Variants in CTBS observed in about 807,000 individuals in gnomAD.
CTBS encodes the protein chitobiase.
CTBS carries 35 observed loss-of-function variants against 44.3 expected under a neutral mutation model. The observed-to-expected ratio is 0.79, with a 90% CI of 0.60 to 1.05. The LOEUF (loss-of-function observed/expected upper bound fraction) is 1.05, where lower values mean the gene tolerates loss of function less well. CTBS is among the 50% of genes least tolerant of loss of function. The pLI is 0.00. For missense variants in CTBS, 458 were observed against 475.3 expected (o/e 0.96, Z 0.34); for synonymous variants, 143 against 168.0 (o/e 0.85, Z 1.15).
At chr1:84,561,824 T>G (rs181925635) in intron 6 of CTBS, among the ~76,000 whole-genome samples, 23 of 152,338 alleles carry the variant, frequency 1.5e-4, no homozygotes, top group Middle Eastern at 3.4e-3. Context: ...ATTTTTAAAT[T>G]AAGGTATGTA....
Position 84,550,366 on chromosome 1 carries a change from C to A in CTBS, c.*4633G>T. 1 of 728,958 alleles carries A rather than the reference C, an allele frequency of 1.4e-6. No homozygotes were observed. The highest frequency in any genetic ancestry group is 2.1e-6 in the Non-Finnish European group (1 of 487,406). The allele number at this position is 728,958 out of a possible 1,614,324, so 45.2% of individuals were successfully genotyped here. ...TCTTTATCATTTCATAGTTTATGTT[C>A]ACAAGGCAGTTAAAAATAAAAATGT... On this transcript the variant is annotated 3_prime_UTR_variant, in exon 7 of 7. Transcript: ENST00000370630.
At chr1:84,562,417 A>G (rs890049667) in intron 6 of CTBS, among the ~76,000 whole-genome samples, 6 of 152,238 alleles carry the variant, frequency 3.9e-5, no homozygotes, top group Admixed American at 1.3e-4. Flanking sequence ...ATACACATGT[A>G]TATCAATTAT....
At chr1:84,572,821 T>C (rs1057197204) in intron 1 of CTBS, among the ~76,000 whole-genome samples, 3 of 151,964 alleles carry the variant, frequency 2.0e-5, no homozygotes, top group East Asian at 1.9e-4. Flanking sequence ...TCGGATTACA[T>C]GTGCCCGCCA....
Position 84,553,499 on chromosome 1 carries a change from C to T in CTBS, c.*1500G>A, listed in dbSNP as rs949364828. The T allele has an allele frequency of 1.3e-5, 2 of 152,016 alleles. No homozygotes were observed. Among genetic ancestry groups the T allele is most frequent in the African/African-American group, 2.4e-5 (1 of 41,360 alleles). The allele number at this position is 152,016 out of a possible 1,614,324, so 9.4% of individuals were successfully genotyped here. ...ATACTAATATATTTGCATGAAAATA[C>T]AGACTTCATTTAACTTAATTTGTTC... On this transcript the variant is annotated 3_prime_UTR_variant, in exon 7 of 7. Transcript: ENST00000370630.
intron 1 of CTBS, chr1:84,573,850 G>C (rs12751492): frequency 9.3e-7 from 1 of 1,069,692 alleles, no homozygotes; most frequent in Non-Finnish European, 1.1e-6. Flanking sequence ...CTAATGTACT[G>C]TTGGAGTGCT....
In CTBS at chr1:84,554,864, A is replaced by T. The variant is rs1281922140; in HGVS notation, c.*135T>A. 1.4e-6 allele frequency: 1 copy of T among 708,748 alleles called. No homozygotes were observed. 43.9% of individuals were successfully genotyped at this position (708,748 alleles called of 1,614,324 possible). Reference sequence around the variant, plus strand: ...TCGTGTGTATTTTTCAAATTCAAACAATCAAAACATTTATTTATTCTTTTT... The same window carrying T: ...TCGTGTGTATTTTTCAAATTCAAACTATCAAAACATTTATTTATTCTTTTT... On this transcript the variant is annotated 3_prime_UTR_variant, in exon 7 of 7. Coordinates refer to ENST00000370630, the MANE Select transcript of CTBS (RefSeq NM_004388.3).
Position 84,555,009 on chromosome 1 carries a change from A to C in CTBS, c.1148T>G (p.Leu383Ter), listed in dbSNP as rs774511903. 2 of 1,613,654 alleles carry C rather than the reference A, an allele frequency of 1.2e-6. No homozygotes were observed. Among genetic ancestry groups the C allele is most frequent in the Admixed American group, 3.3e-5 (2 of 60,006 alleles). The stretch of plus-strand genomic sequence containing the variant: ...TTTGACAAAAGATGTTCATCTCTGT[A>C]ACAGCTTTGGCTTTAAGACTTCCCA... ...EMWEVLKPKL[L>*]QR The change falls in exon 7 of 7, where the codon TTA (leucine) becomes TGA (stop). Residue 383 changes from leucine to a stop codon, truncating the protein, a stop_gained. Coordinates refer to ENST00000370630, the MANE Select transcript of CTBS (RefSeq NM_004388.3). LOFTEE classifies it high-confidence loss of function.
rs72950365 is a variant in CTBS, at chr1:84,574,035, C to T, written c.177+204G>A. The T allele has an allele frequency of 0.012, 17,404 of 1,423,294 alleles. 1,728 individuals are homozygous for T. In the African/African-American group the frequency reaches 0.22, roughly 18 times the overall value. 88.2% of individuals were successfully genotyped at this position (1,423,294 alleles called of 1,614,324 possible). On this transcript the variant is annotated intron_variant, in intron 1 of 6. Coordinates refer to ENST00000370630, the MANE Select transcript of CTBS (RefSeq NM_004388.3). The stretch of plus-strand genomic sequence containing the variant: ...GCCTGCCTACGCAGGCACTTACAGG[C>T]TGTGAGGCCTGAGGAGTTACTCAAC...
chr1:84,570,849 A>G (rs1484194517), intron 1 of CTBS, 129 bp from the exon 2 acceptor site: 2 of 794,458 alleles, frequency 2.5e-6, no homozygotes, highest in Non-Finnish European at 1.9e-6. Flanking sequence ...TGCATAAGAC[A>G]TAGGGGTCCC....
At chr1:84,571,370 A>C (rs1209931030) in intron 1 of CTBS, among the ~76,000 whole-genome samples, 2 of 152,234 alleles carry the variant, frequency 1.3e-5, no homozygotes, top group Non-Finnish European at 2.9e-5. Context: ...ATGAGTAATC[A>C]AAGGAGAGAA....
At position 84,550,622 on chromosome 1, in the gene CTBS, G is replaced by C; in HGVS notation, c.*4377C>G. 2.2e-6 allele frequency: 3 copies of C among 1,343,986 alleles called. No homozygotes were observed. The highest frequency in any genetic ancestry group is 2.9e-6 in the Non-Finnish European group (3 of 1,040,802). The allele number at this position is 1,343,986 out of a possible 1,614,324, so 83.3% of individuals were successfully genotyped here. A position where few individuals can be genotyped will look rare whatever the true frequency, so the allele number is the denominator to read the frequency against. Reference sequence around the variant, plus strand: ...TAACTTTGGGTGTCAATAATATAAGGGTAGCCAGGATTGACTGTATTAAAA... The same window carrying C: ...TAACTTTGGGTGTCAATAATATAAGCGTAGCCAGGATTGACTGTATTAAAA... On this transcript the variant is annotated 3_prime_UTR_variant, in exon 7 of 7. Transcript: ENST00000370630.
Position 84,563,378 on chromosome 1 carries a change from G to GC in CTBS, c.835dup (p.Ala279GlyfsTer4), listed in dbSNP as rs758636345. The GC allele has an allele frequency of 8.2e-6, 13 of 1,580,072 alleles. No individual in the cohort carries two copies. The highest frequency in any genetic ancestry group is 1.7e-4 in the Middle Eastern group (1 of 5,918). On this transcript the variant is annotated frameshift_variant, in exon 6 of 7. Transcript: ENST00000370630. LOFTEE classifies it high-confidence loss of function. Reference sequence around the variant, plus strand: ...ACGTCCTGCAGCGTCACTACAAGGAGCCCCCCGGAAAGGGACTTTTGCAAT... The same window carrying GC: ...ACGTCCTGCAGCGTCACTACAAGGAGCCCCCCCGGAAAGGGACTTTTGCAAT...
Position 84,551,435 on chromosome 1 carries a change from T to C in CTBS, c.*3564A>G, listed in dbSNP as rs1229924424. The C allele has an allele frequency of 1.3e-5, 5 of 384,030 alleles. No homozygotes were observed. The highest frequency in any genetic ancestry group is 8.8e-5 in the African/African-American group (4 of 45,666). 23.8% of individuals were successfully genotyped at this position (384,030 alleles called of 1,614,324 possible). ...CTGTCCAACAGAACTTATGTGATGA[T>C]AGAAATGTTCTATGCCTGCACTGTC... On this transcript the variant is annotated 3_prime_UTR_variant, in exon 7 of 7. Coordinates refer to ENST00000370630, the MANE Select transcript of CTBS (RefSeq NM_004388.3).
At chr1:84,563,495 T>G in intron 5 of CTBS, 77 bp from the exon 6 acceptor site, 1 of 1,047,500 alleles carries the variant, frequency 9.5e-7, no homozygotes, top group Non-Finnish European at 1.3e-6. Flanking sequence ...ATATATAAAT[T>G]ATTTAGAAAT....
At chr1:84,566,145 G>T in intron 3 of CTBS, 133 bp from the exon 4 acceptor site, 1 of 424,328 alleles carries the variant, frequency 2.4e-6, no homozygotes, top group Non-Finnish European at 3.9e-6. Flanking sequence ...ATGAATGTAG[G>T]GTTTGACACA....
chr1:84,557,904 C>T (rs1684495543), intron 6 of CTBS, among the ~76,000 whole-genome samples: 1 of 150,562 alleles, frequency 6.6e-6, no homozygotes, highest in Non-Finnish European at 1.5e-5. Context: ...AGATTTTTTT[C>T]TAAAGTGGCA....
intron 1 of CTBS, among the ~76,000 whole-genome samples, chr1:84,571,202 A>AG (rs1460063518): frequency 6.6e-6 from 1 of 152,224 alleles, no homozygotes; most frequent in East Asian, 1.9e-4. Flanking sequence ...AAAGGATTAA[A>AG]GAGACACCAA....
At chr1:84,556,710 C>CA (rs11417377) in intron 6 of CTBS, among the ~76,000 whole-genome samples, 40,554 of 93,190 alleles carry the variant, frequency 0.44, 7,785 homozygotes, top group South Asian at 0.52. Context: ...GACTCCGTCT[C>CA]AAAAAAAAAA....
chr1:84,572,468 A>G (rs970062459), intron 1 of CTBS, among the ~76,000 whole-genome samples: 2 of 151,640 alleles, frequency 1.3e-5, no homozygotes, highest in African/African-American at 4.8e-5. Context: ...GAACTAATTG[A>G]AAATATAAGG....
Sources: gnomAD v4.1 joint callset for allele counts (sites outside exome capture counted in the v4.1 genomes callset) on GRCh38, gnomAD v4.1.1 for gene constraint, MANE v1.5 for transcripts, NCBI Gene and HGNC (gene_info 2026-07-23, HGNC 2026-07-21) for gene names.